The following ZNF345 variants were observed in gnomAD, a reference collection of about 807,000 sequenced individuals.
The protein encoded by ZNF345 is zinc finger protein HZF10.
For missense variants in ZNF345, 527 were observed against 589.9 expected, an observed-to-expected ratio of 0.89 and a Z score of 1.10; for synonymous variants, 166 against 187.9, an observed-to-expected ratio of 0.88 and a Z score of 0.95.
chr19:36,853,641 C>T (rs1411714968), intron 2 of ZNF345, among the ~76,000 whole-genome samples: 1 of 152,074 alleles, frequency 6.6e-6, no homozygotes, highest in East Asian at 1.9e-4. Flanking sequence ...GAGTGTGTAT[C>T]CAGTTATTAT....
intron 2 of ZNF345, chr19:36,862,887 C>A (rs930039028): frequency 1.3e-5 from 2 of 151,900 alleles, no homozygotes; most frequent in African/African-American, 4.8e-5. Context: ...AAGGTGAGTA[C>A]TCATTCGACC....
intron 2 of ZNF345, 35 bp downstream of exon 2, chr19:36,851,939 C>T (rs549502585): frequency 6.6e-6 from 1 of 152,154 alleles, no homozygotes; most frequent in East Asian, 1.9e-4. Flanking sequence ...AAGAAAAATC[C>T]CTTTTTCTTT....
intron 3 of ZNF345, chr19:36,889,218 T>G (rs1348842188): frequency 6.6e-6 from 1 of 152,204 alleles, no homozygotes; most frequent in African/African-American, 2.4e-5. Flanking sequence ...CTGAAGATTT[T>G]TGTGTCTATT....
intron 3 of ZNF345, chr19:36,892,167 A>G: frequency 1.2e-6 from 2 of 1,614,156 alleles, no homozygotes; most frequent in African/African-American, 2.7e-5. Context: ...AGGGTTTTTT[A>G]CCAGTGTGAA....
intron 2 of ZNF345, among the ~76,000 whole-genome samples, chr19:36,859,932 T>C (rs1424317431): frequency 6.6e-6 from 1 of 151,868 alleles, no homozygotes; most frequent in Non-Finnish European, 1.5e-5. Context: ...ATCTGTACCA[T>C]TTAAGACTAA....
chr19:36,865,876 A>T (rs1461174740), intron 2 of ZNF345, among the ~76,000 whole-genome samples: 1 of 152,086 alleles, frequency 6.6e-6, no homozygotes, highest in Non-Finnish European at 1.5e-5. Flanking sequence ...GTTTCTTCTT[A>T]CAGTAACTGG....
chr19:36,866,826 C>T (rs1288124106), intron 2 of ZNF345, among the ~76,000 whole-genome samples: 3 of 152,352 alleles, frequency 2.0e-5, no homozygotes, highest in East Asian at 3.9e-4. Context: ...GCTAGTATTA[C>T]AGGCGTGAGC....
intron 3 of ZNF345, among the ~76,000 whole-genome samples, chr19:36,886,854 C>T (rs1457895956): frequency 2.0e-5 from 3 of 151,242 alleles, no homozygotes; most frequent in South Asian, 2.1e-4. Context: ...ATTAGCCGGG[C>T]GTGGTGGTGG....
exon 4 of ZNF345, chr19:36,892,981 C>G (rs530969718): frequency 3.4e-4 from 145 of 430,580 alleles, no homozygotes; most frequent in Non-Finnish European, 2.0e-4. Context: ...GGGCATGCAC[C>G]ATGCGTGAGA....
chr19:36,874,502 A>AC, intron 2 of ZNF345, among the ~76,000 whole-genome samples: 1 of 139,340 alleles, frequency 7.2e-6, no homozygotes. Context: ...TAAAAAAAAA[A>AC]AAAGGGGGGT....
chr19:36,853,245 C>CTTTTTTT (rs902150512), intron 2 of ZNF345, among the ~76,000 whole-genome samples: 24 of 106,500 alleles, frequency 2.3e-4, no homozygotes, highest in South Asian at 6.3e-4. Context: ...TTCTTTCTTT[C>CTTTTTTT]TTTTTTTTTT....
In ZNF345 at chr19:36,878,447, C is replaced by A; in HGVS notation, c.*150C>A. ...AATATTTATACAGGAAAAAAATCACCCCAAATAAAATAAATATTTGAAGAT... is the reference window on the plus strand; with the variant it reads ...AATATTTATACAGGAAAAAAATCACACCAAATAAAATAAATATTTGAAGAT... On this transcript the variant is annotated 3_prime_UTR_variant, in exon 3 of 3. Transcript: ENST00000420450. 1.8e-6 allele frequency: 1 copy of A among 568,994 alleles called. No individual in the cohort carries two copies. The highest frequency in any genetic ancestry group is 2.8e-6 in the Non-Finnish European group (1 of 354,114). The allele number at this position is 568,994 out of a possible 1,614,324, so 35.2% of individuals were successfully genotyped here.
At chr19:36,885,200 A>T (rs1369697994) in intron 3 of ZNF345, among the ~76,000 whole-genome samples, 1 of 151,874 alleles carries the variant, frequency 6.6e-6, no homozygotes, top group East Asian at 1.9e-4. Flanking sequence ...TAGAAATATT[A>T]TATAACTATT....
chr19:36,874,590 G>T (rs2072844722), intron 2 of ZNF345, among the ~76,000 whole-genome samples: 1 of 151,722 alleles, frequency 6.6e-6, no homozygotes, highest in Non-Finnish European at 1.5e-5. Flanking sequence ...AGACCAGCCT[G>T]ACCAACATAG....
intron 3 of ZNF345, chr19:36,890,686 C>CAAAAAAAA (rs71171475): frequency 2.4e-5 from 2 of 84,092 alleles, no homozygotes; most frequent in Non-Finnish European, 2.5e-5. Flanking sequence ...ACTAAAAATA[C>CAAAAAAAA]AAAAAAAAAA....
intron 2 of ZNF345, among the ~76,000 whole-genome samples, chr19:36,866,619 G>A (rs1440769334): frequency 6.6e-6 from 1 of 152,054 alleles, no homozygotes; most frequent in African/African-American, 2.4e-5. Flanking sequence ...GCATAATCTC[G>A]TCTCACTGCA....
chr19:36,882,067 AAAC>A (rs1238063803), downstream of ZNF345, among the ~76,000 whole-genome samples: 1 of 151,758 alleles, frequency 6.6e-6, no homozygotes, highest in Non-Finnish European at 1.5e-5. Context: ...TTTTTAAAAA[AAAC>A]CTTATCTGGG....
intron 3 of ZNF345, among the ~76,000 whole-genome samples, chr19:36,887,836 A>G (rs1288957692): frequency 1.3e-5 from 2 of 152,220 alleles, no homozygotes; most frequent in Non-Finnish European, 2.9e-5. Flanking sequence ...CAGTGATCCT[A>G]AAGTCATTCT....
Position 36,877,895 on chromosome 19 carries a change from A to C in ZNF345, c.1065A>C (p.Ser355=). The C allele has an allele frequency of 6.2e-7, 1 of 1,614,114 alleles. No homozygotes were observed. Among genetic ancestry groups the C allele is most frequent in the Non-Finnish European group, 8.5e-7 (1 of 1,180,006 alleles). The change falls in exon 3 of 3, where the codon TCA becomes TCC. Residue 355 remains serine (S), a synonymous_variant. Coordinates refer to ENST00000420450, the MANE Select transcript of ZNF345 (RefSeq NM_001242472.2). ...KECGKTFSSG[S]DLTQHHRIHT... is the part of the protein sequence containing the mutation. ...GTGGGAAGACCTTTAGTAGTGGTTCAGACCTTACTCAACATCACAGAATTC... is the reference window on the plus strand; with the variant it reads ...GTGGGAAGACCTTTAGTAGTGGTTCCGACCTTACTCAACATCACAGAATTC...
Sources: allele counts gnomAD v4.1 joint callset (sites outside exome capture counted in the v4.1 genomes callset), GRCh38; gene constraint gnomAD v4.1.1; transcripts MANE v1.5; gene names NCBI Gene and HGNC (gene_info 2026-07-23, HGNC 2026-07-21).